MAFG: variants seen among roughly 807,000 people sequenced by gnomAD.
The protein encoded by MAFG is transcription factor MafG.
MAFG carries 3 observed loss-of-function variants against 12.2 expected under a neutral mutation model. The ratio of observed to expected loss-of-function variants is 0.25; its 90% CI spans 0.11 to 0.64. The LOEUF (loss-of-function observed/expected upper bound fraction) is 0.64. Among genes scored for constraint, MAFG ranks in the 30% least tolerant of loss-of-function variants. The pLI is 0.85. For synonymous variants in MAFG, 126 were observed against 109.1 expected, an observed-to-expected ratio of 1.15 and a Z score of -0.96; for missense variants, 153 against 235.5, an observed-to-expected ratio of 0.65 and a Z score of 2.29.
rs1280497617 is a variant in MAFG, at chr17:81,927,377, C to T, written c.-30+151G>A. On this transcript the variant is annotated intron_variant, in intron 1 of 2. Transcript: ENST00000357736. ...CGAGGCACGGGCCGCCAGCAGGGTG[C>T]GCGGCAGACCCGAAACCAGCGGCCC... Among the ~76,000 whole-genome samples the T allele has an allele frequency of 1.7e-4, 25 of 150,800 alleles. No homozygotes were observed. In the East Asian group the frequency reaches 4.7e-3, roughly 28 times the overall value.
upstream of MAFG, among the ~76,000 whole-genome samples, chr17:81,928,627 T>G (rs920368935): frequency 6.6e-6 from 1 of 152,140 alleles, no homozygotes; most frequent in African/African-American, 2.4e-5. This position sits in a 1 kb window ranked among gnomAD's most constrained non-coding sequence, Gnocchi z 8.1. Context: ...GTGTGCGCTG[T>G]GGGGCTGCGT....
At chr17:81,923,319 C>T (rs2040913480) in intron 1 of MAFG, 105 bp from the exon 2 acceptor site, 7 of 730,976 alleles carry the variant, frequency 9.6e-6, no homozygotes, top group South Asian at 2.0e-5. Context: ...ACAGCCCGCC[C>T]CAGCCTGCTG....
At chr17:81,925,131 TGAG>T (rs1285236908) in intron 1 of MAFG, among the ~76,000 whole-genome samples, 2 of 152,210 alleles carry the variant, frequency 1.3e-5, no homozygotes, top group Non-Finnish European at 2.9e-5. Flanking sequence ...GGAGCTGGAC[TGAG>T]GAGAAGCTGC....
chr17:81,923,209 C>A lies in MAFG; in HGVS notation c.-24G>T. 3 of 1,580,578 alleles carry A rather than the reference C, an allele frequency of 1.9e-6. No homozygotes were observed. Among genetic ancestry groups the A allele is most frequent in the South Asian group, 1.1e-5 (1 of 87,010 alleles). Reference sequence around the variant, plus strand: ...ATAACCCGGGGGCACAGCGAGCAGGCGCTCTCTGCAAGACACGGAGCAGGT... The same window carrying A: ...ATAACCCGGGGGCACAGCGAGCAGGAGCTCTCTGCAAGACACGGAGCAGGT... On this transcript the variant is annotated 5_prime_UTR_variant, in exon 2 of 3. Coordinates refer to ENST00000357736, the MANE Select transcript of MAFG (RefSeq NM_002359.4).
rs2040903515 is a variant in MAFG, at chr17:81,922,706, G to C, written c.388C>G (p.Arg130Gly). Reference protein sequence around the residue: ...TVARSPVAPARGPLAAGLGPL... With the variant: ...TVARSPVAPAGGPLAAGLGPL... The stretch of plus-strand genomic sequence containing the variant: ...CCCAGGCCGGCGGCAAGGGGGCCCC[G>C]GGCTGGCGCCACGGGGCTGCGGGCC... Residue 130 changes from arginine (R) to glycine (G), a missense_variant, in exon 3 of 3, where the codon CGG becomes GGG. Around this residue, in one of 3 missense-constraint regions of MAFG, gnomAD observed 81 missense variants for 94.7 expected, o/e 0.86. Transcript: ENST00000357736. 2 of 1,528,966 alleles carry C rather than the reference G, an allele frequency of 1.3e-6. No individual in the cohort carries two copies. The highest frequency in any genetic ancestry group is 4.7e-5 in the Admixed American group (2 of 42,836). 94.7% of individuals were successfully genotyped at this position (1,528,966 alleles called of 1,614,324 possible).
At position 81,920,412 on chromosome 17, in the gene MAFG, T is replaced by C. The variant is rs1344566083; in HGVS notation, c.*2193A>G. On this transcript the variant is annotated 3_prime_UTR_variant, in exon 3 of 3. Transcript: ENST00000357736. Reference sequence around the variant, plus strand: ...AGGGTTAAGCCCTGTTGGGCCACAGTTTTTCATCTTACCCACATCTGTGTG... The same window carrying C: ...AGGGTTAAGCCCTGTTGGGCCACAGCTTTTCATCTTACCCACATCTGTGTG... 6.6e-6 allele frequency: 1 copy of C among 152,130 alleles called. No homozygotes were observed. The highest frequency in any genetic ancestry group is 1.5e-5 in the Non-Finnish European group (1 of 68,012). 9.4% of individuals were successfully genotyped at this position (152,130 alleles called of 1,614,324 possible).
In MAFG at chr17:81,926,548, G is replaced by A. The variant is rs922269580; in HGVS notation, c.-30+980C>T. Among the ~76,000 whole-genome samples the A allele has an allele frequency of 7.2e-5, 11 of 152,158 alleles. No homozygotes were observed. The highest frequency in any genetic ancestry group is 5.9e-4 in the Admixed American group (9 of 15,282). On this transcript the variant is annotated intron_variant, in intron 1 of 2. Coordinates refer to ENST00000357736, the MANE Select transcript of MAFG (RefSeq NM_002359.4). The surrounding 1 kb of genome is among the most constrained non-coding windows in gnomAD (Gnocchi z 4.6). ...GGACCTCGATCTCTGGCCAGGGGCT[G>A]TCCAACCAGGCCAGTCCCAGGGAAA...
At chr17:81,930,927 C>A (rs1201907569), upstream of MAFG, among the ~76,000 whole-genome samples, 1 of 152,174 alleles carries the variant, frequency 6.6e-6, no homozygotes, top group East Asian at 1.9e-4. The surrounding 1 kb of genome is among the most constrained non-coding windows in gnomAD (Gnocchi z 4.1). Context: ...GGGTCCTTGG[C>A]CCCCGGCACC....
rs1320422696 is a variant in MAFG at position 81,926,143 on chromosome 17, A to C, written c.-30+1385T>G. On this transcript the variant is annotated intron_variant, in intron 1 of 2. Transcript: ENST00000357736. The surrounding 1 kb of genome is among the most constrained non-coding windows in gnomAD (Gnocchi z 4.6). The stretch of plus-strand genomic sequence containing the variant: ...CGTGAATCTCCACATACCCAAGGAA[A>C]GGTGGCTCTGGCCACATCACTCCCA... Among the ~76,000 whole-genome samples the C allele has an allele frequency of 6.6e-6, 1 of 152,150 alleles. No individual in the cohort carries two copies. Among genetic ancestry groups the C allele is most frequent in the African/African-American group, 2.4e-5 (1 of 41,422 alleles).
intron 1 of MAFG, among the ~76,000 whole-genome samples, chr17:81,925,610 C>A (rs2040932770): frequency 6.6e-6 from 1 of 152,074 alleles, no homozygotes; most frequent in African/African-American, 2.4e-5. Flanking sequence ...AGATCGAGAC[C>A]ATCCTGGCTA....
upstream of MAFG, chr17:81,929,667 G>A (rs1479114841): frequency 2.6e-5 from 4 of 152,610 alleles, no homozygotes; most frequent in East Asian, 5.8e-4. This position sits in a 1 kb window ranked among gnomAD's most constrained non-coding sequence, Gnocchi z 5.7. Context: ...GTACTGAGAG[G>A]GATACTGCGA....
At position 81,920,715 on chromosome 17, in the gene MAFG, G is replaced by A; in HGVS notation, c.*1890C>T. ...AAGACACAGATCCCAAAGGGAGGCA[G>A]AAGGCAGGCCCGAAGCCAAGAGCTG... On this transcript the variant is annotated 3_prime_UTR_variant, in exon 3 of 3. Transcript: ENST00000357736. 1 of 152,694 alleles carries A rather than the reference G, an allele frequency of 6.5e-6. No individual in the cohort carries two copies. The highest frequency in any genetic ancestry group is 1.5e-5 in the Non-Finnish European group (1 of 68,300). 9.5% of individuals were successfully genotyped at this position (152,694 alleles called of 1,614,324 possible).
rs571057035 is a variant in MAFG at position 81,927,700 on chromosome 17, T to TCCGCCGCCG, written c.-211_-203dup. ...AGGCCGGGCCGGACCAGGCTCGGGA[T>TCCGCCGCCG]CCGCCGCCGCCGCCGCCGCTCCACA... On this transcript the variant is annotated 5_prime_UTR_variant, in exon 1 of 3. Coordinates refer to ENST00000357736, the MANE Select transcript of MAFG (RefSeq NM_002359.4). The TCCGCCGCCG allele has an allele frequency of 6.8e-6, 1 of 147,758 alleles. No individual in the cohort carries two copies. The highest frequency in any genetic ancestry group is 1.5e-5 in the Non-Finnish European group (1 of 66,528). The allele number at this position is 147,758 out of a possible 1,614,324, so 9.2% of individuals were successfully genotyped here.
At chr17:81,930,663 A>G (rs938153688), upstream of MAFG, 1 of 152,270 alleles carries the variant, frequency 6.6e-6, no homozygotes, top group African/African-American at 2.4e-5. The surrounding 1 kb of genome is among the most constrained non-coding windows in gnomAD (Gnocchi z 4.1). Flanking sequence ...CTCTCTAAAA[A>G]AAAAGGAAAA....
rs1257542758 is a variant in MAFG at position 81,919,256 on chromosome 17, G to A, written c.*3349C>T. 6.6e-6 allele frequency: 1 copy of A among 152,280 alleles called. No individual in the cohort carries two copies. The highest frequency in any genetic ancestry group is 2.4e-5 in the African/African-American group (1 of 41,466). 9.4% of individuals were successfully genotyped at this position (152,280 alleles called of 1,614,324 possible). On this transcript the variant is annotated 3_prime_UTR_variant, in exon 3 of 3. Transcript: ENST00000357736. Reference sequence around the variant, plus strand: ...GGCTCCGACTTTCCAGATGTGGATGGGCGCTTTGGCCAAGTGGCCACTCCA... The same window carrying A: ...GGCTCCGACTTTCCAGATGTGGATGAGCGCTTTGGCCAAGTGGCCACTCCA...
At position 81,922,853 on chromosome 17, in the gene MAFG, T is replaced by C; in HGVS notation, c.241A>G (p.Lys81Glu). ...KRVTQKEELE[K>E]QKAELQQEVE... Reference sequence around the variant, plus strand: ...TCCTGCTGCAGCTCCGCCTTCTGCTTCTCCAGCTCCTCCTTCTGCGTCACC... The same window carrying C: ...TCCTGCTGCAGCTCCGCCTTCTGCTCCTCCAGCTCCTCCTTCTGCGTCACC... The change falls in exon 3 of 3, where the codon AAG (lysine) becomes GAG (glutamate). Residue 81 changes from lysine (K) to glutamate (E), a missense_variant. Physicochemically the swap from Lys to Glu is moderately conservative, Grantham distance 56 (BLOSUM62 1). Around this residue, in one of 3 missense-constraint regions of MAFG, gnomAD observed 29 missense variants for 75.3 expected, o/e 0.39. Coordinates refer to ENST00000357736, the MANE Select transcript of MAFG (RefSeq NM_002359.4). 6.2e-7 allele frequency: 1 copy of C among 1,611,314 alleles called. No homozygotes were observed.
rs1002296043 is a variant in MAFG at position 81,923,262 on chromosome 17, A to ACCCCCCCCCCCCCCCCCCC, written c.-29-49_-29-48insGGGGGGGGGGGGGGGGGGG. 7 of 336,900 alleles carry ACCCCCCCCCCCCCCCCCCC rather than the reference A, an allele frequency of 2.1e-5. 1 individual carries two copies. The highest frequency in any genetic ancestry group is 1.5e-4 in the African/African-American group (2 of 13,564). The allele number at this position is 336,900 out of a possible 1,614,324, so 20.9% of individuals were successfully genotyped here. A position where few individuals can be genotyped will look rare whatever the true frequency, so the allele number is the denominator to read the frequency against. The stretch of plus-strand genomic sequence containing the variant: ...GTACCCTGGAGACCACCCTCGCCGC[A>ACCCCCCCCCCCCCCCCCCC]CCCCCCCCCCCCCGCCCCCGGCCCA... On this transcript the variant is annotated intron_variant, in intron 1 of 2. Coordinates refer to ENST00000357736, the MANE Select transcript of MAFG (RefSeq NM_002359.4).
chr17:81,923,277 C>CCCCCGG, intron 1 of MAFG, 63 bp from the exon 2 acceptor site: 1 of 916,038 alleles, frequency 1.1e-6, no homozygotes, highest in Admixed American at 4.0e-5. Context: ...CCCCCCCCCG[C>CCCCCGG]CCCCGGCCCA....
chr17:81,920,478 C>A lies in MAFG; in HGVS notation c.*2127G>T, dbSNP rs2143808011. ...GGCCCCACAGAAAAGAAACCAGCAA[C>A]CCGGTGAAAGGCCAGGGCTCACATG... On this transcript the variant is annotated 3_prime_UTR_variant, in exon 3 of 3. Coordinates refer to ENST00000357736, the MANE Select transcript of MAFG (RefSeq NM_002359.4). 6.6e-6 allele frequency: 1 copy of A among 152,390 alleles called. No individual in the cohort carries two copies. The highest frequency in any genetic ancestry group is 6.5e-5 in the Admixed American group (1 of 15,312). 9.4% of individuals were successfully genotyped at this position (152,390 alleles called of 1,614,324 possible). A position where few individuals can be genotyped will look rare whatever the true frequency, so the allele number is the denominator to read the frequency against.
Sources: allele counts gnomAD v4.1 joint callset (sites outside exome capture counted in the v4.1 genomes callset), GRCh38; gene constraint gnomAD v4.1.1; regional missense constraint gnomAD v4.1.1; non-coding constraint Gnocchi (gnomAD v3.1); transcripts MANE v1.5; gene names NCBI Gene and HGNC (gene_info 2026-07-23, HGNC 2026-07-21).